The following DSCAML1 variants were observed in gnomAD, a reference collection of about 807,000 sequenced individuals.
The protein encoded by DSCAML1 is DS cell adhesion molecule like 1.
A neutral mutation model predicts 200.5 loss-of-function variants in DSCAML1; 38 were observed. The ratio of observed to expected loss-of-function variants is 0.19; its 90% CI spans 0.15 to 0.25. The LOEUF is 0.25. DSCAML1 is among the 10% of genes least tolerant of loss of function. DSCAML1 has a pLI of 1.00. For missense variants in DSCAML1, 2,223 were observed against 2,858.8 expected (o/e 0.78, Z 5.07); for synonymous variants, 1,215 against 1,165.0 (o/e 1.04, Z -0.87).
chr11:117,806,051 C>A (rs1483340623), intron 1 of DSCAML1, among the ~76,000 whole-genome samples: 1 of 152,220 alleles, frequency 6.6e-6, no homozygotes, highest in Non-Finnish European at 1.5e-5. Context: ...GGCCCTGTTG[C>A]CTTCAGACTC....
chr11:117,510,654 A>G (rs2049600679), intron 8 of DSCAML1, among the ~76,000 whole-genome samples: 4 of 152,100 alleles, frequency 2.6e-5, no homozygotes, highest in Non-Finnish European at 4.4e-5. Context: ...CTAAAATGTA[A>G]ACTCCCTGAT....
chr11:117,666,689 G>A (rs1273614140), intron 3 of DSCAML1, among the ~76,000 whole-genome samples: 5 of 152,196 alleles, frequency 3.3e-5, no homozygotes, highest in African/African-American at 9.7e-5. Flanking sequence ...CTGAAGGGCT[G>A]GCCCCGGCAG....
At chr11:117,439,587 AG>A (rs937710171) in intron 22 of DSCAML1, among the ~76,000 whole-genome samples, 158 bp from the exon 23 acceptor site, 1 of 152,028 alleles carries the variant, frequency 6.6e-6, no homozygotes, top group Non-Finnish European at 1.5e-5. Context: ...TGGGGGTATG[AG>A]GTAACCCAGC....
Position 117,780,633 on chromosome 11 carries a change from T to C in DSCAML1, c.224A>G (p.His75Arg). The change falls in exon 2 of 33, where the codon CAC becomes CGC. Residue 75 changes from histidine to arginine, a missense_variant. By Grantham distance (29) the His-to-Arg change is conservative (BLOSUM62 0). Coordinates refer to ENST00000651296, the MANE Select transcript of DSCAML1 (RefSeq NM_020693.4). This position sits in a 1 kb window ranked among gnomAD's most constrained non-coding sequence, Gnocchi z 4.8. ...CTGCAGCGTCCCGTTGGCGTGGACG[T>C]GCCGGATGTGCGGCACGTCGTAGAT... Reference protein sequence around the residue: ...DDIYDVPHIRHVHANGTLQLY... With the variant: ...DDIYDVPHIRRVHANGTLQLY... 1 of 1,589,924 alleles carries C rather than the reference T, an allele frequency of 6.3e-7. No individual in the cohort carries two copies. Among genetic ancestry groups the C allele is most frequent in the African/African-American group, 1.3e-5 (1 of 74,148 alleles).
intron 3 of DSCAML1, among the ~76,000 whole-genome samples, chr11:117,631,628 G>C (rs1255617755): frequency 6.6e-6 from 1 of 152,260 alleles, no homozygotes; most frequent in African/African-American, 2.4e-5. Flanking sequence ...TAGAATATCA[G>C]ACATAGGGAG....
At chr11:117,800,006 C>T (rs147022149), upstream of DSCAML1, among the ~76,000 whole-genome samples, 9 of 152,308 alleles carry the variant, frequency 5.9e-5, no homozygotes, top group East Asian at 1.7e-3. Context: ...AGGAAAGGGG[C>T]TGCAGAAACA....
At chr11:117,461,652 G>GT (rs2048486034) in intron 17 of DSCAML1, 56 bp from the exon 18 acceptor site, 1 of 1,551,894 alleles carries the variant, frequency 6.4e-7, no homozygotes, top group Non-Finnish European at 8.8e-7. Context: ...GTGAGTGACA[G>GT]TACAGCAATT....
rs149232264 is a variant in DSCAML1 at position 117,480,495 on chromosome 11, G to A, written c.2733C>T (p.Phe911=). Residue 911 remains phenylalanine (F), a synonymous_variant, in exon 14 of 33, where the codon TTC becomes TTT. Transcript: ENST00000651296. The surrounding 1 kb of genome is among the most constrained non-coding windows in gnomAD (Gnocchi z 4.1). ...AGCCCGTGATGATGCTGTTCCCGTC[G>A]AATCGCTGGGTCCAGCGCAGGTTCA... ...RSMNLRWTQR[F]DGNSIITGFD... 24 of 1,611,356 alleles carry A rather than the reference G, an allele frequency of 1.5e-5. No individual in the cohort carries two copies. The highest frequency in any genetic ancestry group is 1.3e-4 in the South Asian group (12 of 90,274).
intron 3 of DSCAML1, among the ~76,000 whole-genome samples, chr11:117,747,634 T>C (rs2054539244): frequency 1.3e-5 from 2 of 152,184 alleles, no homozygotes; most frequent in African/African-American, 2.4e-5. Flanking sequence ...GCCAGAAGAA[T>C]GAGCTGGCTT....
In DSCAML1 at chr11:117,428,357, C is replaced by A. The variant is rs199968404; in HGVS notation, c.6133G>T (p.Ala2045Ser). ...ACCAGGGTGTAGGATTTGGAGTAGG[C>A]CCCGGCCCCCTGCTTCTGAGACCTC... ...VGRSQKQGAG[A>S]YSKSYTLV Residue 2045 changes from alanine (A) to serine (S), a missense_variant, in exon 33 of 33, where the codon GCC (alanine) becomes TCC (serine). Physicochemically the swap from Ala to Ser is moderately conservative, Grantham distance 99. Around this residue, in one of 7 missense-constraint regions of DSCAML1, gnomAD observed 280 missense variants for 213.4 expected, o/e 1.31. Coordinates refer to ENST00000651296, the MANE Select transcript of DSCAML1 (RefSeq NM_020693.4). 65 of 1,580,140 alleles carry A rather than the reference C, an allele frequency of 4.1e-5. No individual in the cohort carries two copies. Among genetic ancestry groups the A allele is most frequent in the East Asian group, 9.0e-5 (4 of 44,582 alleles).
intron 3 of DSCAML1, among the ~76,000 whole-genome samples, chr11:117,549,458 CAGAT>C (rs2050432840): frequency 6.6e-6 from 1 of 152,236 alleles, no homozygotes; most frequent in African/African-American, 2.4e-5. Context: ...GCTCTGAAGT[CAGAT>C]AGACTTCCGT....
At chr11:117,436,549 C>T (rs472648) in intron 26 of DSCAML1, among the ~76,000 whole-genome samples, 87,003 of 151,808 alleles carry the variant, frequency 0.57, 25,352 homozygotes, top group Middle Eastern at 0.66. Context: ...TATGTGTGCA[C>T]GTGTGTATGT....
intron 4 of DSCAML1, among the ~76,000 whole-genome samples, chr11:117,531,610 G>T (rs61350190): frequency 0.28 from 41,951 of 151,948 alleles, 6,076 homozygotes; most frequent in African/African-American, 0.34. Context: ...CAGGCCGGGC[G>T]CAGTGGCACA....
intron 8 of DSCAML1, among the ~76,000 whole-genome samples, chr11:117,515,610 C>CTTTTTTTTT (rs56765238): frequency 2.5e-4 from 16 of 65,114 alleles, no homozygotes; most frequent in African/African-American, 5.0e-4. Flanking sequence ...AGGGACGAAG[C>CTTTTTTTTT]TTTTTTTTTT....
intron 3 of DSCAML1, among the ~76,000 whole-genome samples, chr11:117,742,265 C>T (rs562126757): frequency 3.9e-5 from 6 of 152,108 alleles, no homozygotes; most frequent in South Asian, 4.1e-4. Context: ...AGACTGTAGA[C>T]GGTGCTACCT....
rs1284646981 is a variant in DSCAML1 at position 117,639,435 on chromosome 11, G to A, written c.512-106913C>T. On this transcript the variant is annotated intron_variant, in intron 3 of 32. Coordinates refer to ENST00000651296, the MANE Select transcript of DSCAML1 (RefSeq NM_020693.4). ...AGGAGGCTGAATGGATGGGAAGCTG[G>A]ATGGGTGGGAGGCTGGATGGGTGGG... Among the ~76,000 whole-genome samples the A allele has an allele frequency of 2.2e-3, 323 of 144,690 alleles. 1 individual carries two copies. The highest frequency in any genetic ancestry group is 7.6e-3 in the African/African-American group (299 of 39,182). 94.9% of individuals were successfully genotyped at this position (144,690 alleles called of 152,430 possible). A position where few individuals can be genotyped will look rare whatever the true frequency, so the allele number is the denominator to read the frequency against.
intron 3 of DSCAML1, among the ~76,000 whole-genome samples, chr11:117,552,268 G>T (rs2050482018): frequency 6.6e-6 from 1 of 152,000 alleles, no homozygotes; most frequent in Non-Finnish European, 1.5e-5. Context: ...AGGAAAGCAG[G>T]TGCCTTGACT....
chr11:117,776,711 AC>A lies in DSCAML1; in HGVS notation c.511+79del. The A allele has an allele frequency of 6.5e-6, 10 of 1,531,032 alleles. No homozygotes were observed. The South Asian group carries it at 1.2e-4, about 18-fold the overall frequency. 94.8% of individuals were successfully genotyped at this position (1,531,032 alleles called of 1,614,324 possible). A position where few individuals can be genotyped will look rare whatever the true frequency, so the allele number is the denominator to read the frequency against. On this transcript the variant is annotated intron_variant, in intron 3 of 32. Transcript: ENST00000651296. ...CCTCAAGATCTTATTGAGCTCAACA[AC>A]CAGCTCAGGCATCTCTACTTTATCC...
chr11:117,692,885 T>G (rs1010145643), intron 3 of DSCAML1, among the ~76,000 whole-genome samples: 1 of 152,192 alleles, frequency 6.6e-6, no homozygotes, highest in African/African-American at 2.4e-5. Flanking sequence ...ATGAAACTGG[T>G]CTACTTCCCC....
Sources: allele counts gnomAD v4.1 joint callset (sites outside exome capture counted in the v4.1 genomes callset), GRCh38; gene constraint gnomAD v4.1.1; regional missense constraint gnomAD v4.1.1; non-coding constraint Gnocchi (gnomAD v3.1); transcripts MANE v1.5; gene names NCBI Gene and HGNC (gene_info 2026-07-23, HGNC 2026-07-21).